The following ACTL6A variants were observed in gnomAD, a reference collection of about 807,000 sequenced individuals.
ACTL6A encodes actin like 6A, also known as actin-like protein 6A.
In ACTL6A, 5 loss-of-function variants were observed where a neutral mutation model predicts 59.2. The ratio of observed to expected loss-of-function variants is 0.08; its 90% CI spans 0.04 to 0.18. The LOEUF (loss-of-function observed/expected upper bound fraction) is 0.18. ACTL6A is among the 10% of genes least tolerant of loss of function. The probability of loss-of-function intolerance (pLI) is 1.00; values close to 1 mark genes in which losing one functional copy is unlikely to be tolerated. For synonymous variants in ACTL6A, 154 were observed against 171.8 expected (o/e 0.90, Z 0.81); for missense variants, 285 against 526.9 (o/e 0.54, Z 4.49).
chr3:179,570,444 G>T lies in ACTL6A; in HGVS notation c.277+203G>T. 2.0e-6 allele frequency: 1 copy of T among 499,314 alleles called. No individual in the cohort carries two copies. Among genetic ancestry groups the T allele is most frequent in the Non-Finnish European group, 3.5e-6 (1 of 285,948 alleles). The allele number at this position is 499,314 out of a possible 1,614,324, so 30.9% of individuals were successfully genotyped here. On this transcript the variant is annotated intron_variant, in intron 3 of 13. Coordinates refer to ENST00000429709, the MANE Select transcript of ACTL6A (RefSeq NM_004301.5). This position sits in a 1 kb window ranked among gnomAD's most constrained non-coding sequence, Gnocchi z 4.3. ...TCATTAAAAGCTTACAGTTAGTTGG[G>T]GGAAATAGATGTATATATACAAATA... is the stretch of plus-strand genomic sequence containing the variant.
At chr3:179,563,862 A>G (rs1717749146) in intron 1 of ACTL6A, among the ~76,000 whole-genome samples, 1 of 152,130 alleles carries the variant, frequency 6.6e-6, no homozygotes, top group Admixed American at 6.5e-5. Flanking sequence ...TGTGGTAGGA[A>G]GATTACCAGG....
At chr3:179,574,322 A>T in intron 4 of ACTL6A, 48 bp from the exon 5 acceptor site, 1 of 1,217,314 alleles carries the variant, frequency 8.2e-7, no homozygotes, top group East Asian at 2.3e-5. Context: ...AGATAAATCA[A>T]CTTTTTAATT....
intron 10 of ACTL6A, 56 bp from the exon 11 acceptor site, chr3:179,581,084 A>G: frequency 5.0e-6 from 8 of 1,601,808 alleles, no homozygotes; most frequent in Admixed American, 1.7e-5. Flanking sequence ...AATGTTTTGG[A>G]TATGCTTTAC....
Position 179,576,839 on chromosome 3 carries a change from G to C in ACTL6A, c.694G>C (p.Gly232Arg). 6.2e-7 allele frequency: 1 copy of C among 1,613,978 alleles called. No individual in the cohort carries two copies. The highest frequency in any genetic ancestry group is 8.5e-7 in the Non-Finnish European group (1 of 1,179,948). ...MIASKEAVRE[G>R]SPANWKRKEK... ...GTACTCTCAGGAAGCTGTTCGTGAA[G>C]GATCTCCAGCAAACTGGAAAAGAAA... Residue 232 changes from glycine (G) to arginine (R), a missense_variant, in exon 8 of 14, where the codon GGA (glycine) becomes CGA (arginine). Physicochemically the swap from Gly to Arg is moderately radical, Grantham distance 125. Transcript: ENST00000429709.
At chr3:179,577,188 A>G (rs551080045) in intron 8 of ACTL6A, among the ~76,000 whole-genome samples, 3 of 152,240 alleles carry the variant, frequency 2.0e-5, no homozygotes, top group African/African-American at 4.8e-5. Flanking sequence ...ACAAATTACT[A>G]CATACTCACT....
intron 12 of ACTL6A, 72 bp from the exon 13 acceptor site, chr3:179,586,466 TGAAAAAAA>T: frequency 1.5e-6 from 1 of 678,718 alleles, no homozygotes; most frequent in South Asian, 2.6e-5. Context: ...TGTCTCTATT[TGAAAAAAA>T]AAAAAAAAAA....
chr3:179,577,546 AAAC>A, intron 8 of ACTL6A, among the ~76,000 whole-genome samples: 1 of 152,108 alleles, frequency 6.6e-6, no homozygotes, highest in Non-Finnish European at 1.5e-5. Flanking sequence ...TTAAATGGGT[AAAC>A]TCATGTCACG....
intron 8 of ACTL6A, among the ~76,000 whole-genome samples, chr3:179,578,729 G>A (rs1718244159): frequency 6.6e-6 from 1 of 152,156 alleles, no homozygotes; most frequent in South Asian, 2.1e-4. Flanking sequence ...GTGAATAAAC[G>A]TTCGCTTTTC....
intron 8 of ACTL6A, among the ~76,000 whole-genome samples, chr3:179,578,002 C>T (rs530557856): frequency 5.9e-5 from 9 of 152,166 alleles, no homozygotes; most frequent in South Asian, 2.1e-4. Context: ...GGGTATATAC[C>T]CAGTAATGAG....
intron 8 of ACTL6A, 67 bp from the exon 9 acceptor site, chr3:179,580,573 G>A: frequency 8.9e-7 from 1 of 1,119,534 alleles, no homozygotes; most frequent in Non-Finnish European, 1.3e-6. Flanking sequence ...TTTAAAATAT[G>A]TTATAAAAGT....
rs553523710 is a variant in ACTL6A, at chr3:179,566,681, G to T, written c.26-3143G>T. On this transcript the variant is annotated intron_variant, in intron 1 of 13. Transcript: ENST00000429709. ...GTCCAAGTCTGAATTTTCTCTTTTTGTTGTTGTTGTTGTTGTTGTTGTTTT... is the reference window on the plus strand; with the variant it reads ...GTCCAAGTCTGAATTTTCTCTTTTTTTTGTTGTTGTTGTTGTTGTTGTTTT... Among the ~76,000 whole-genome samples, 159 of 151,452 alleles carry T rather than the reference G, an allele frequency of 1.0e-3. 1 individual carries two copies. The highest frequency in any genetic ancestry group is 0.01 in the Middle Eastern group (3 of 294).
At chr3:179,583,789 T>G (rs1298289391) in intron 12 of ACTL6A, 1 of 171,052 alleles carries the variant, frequency 5.8e-6, no homozygotes, top group Non-Finnish European at 1.3e-5. Context: ...CGAGGTGCTG[T>G]TGGGAACACC....
chr3:179,586,870 T>C (rs1382840362), intron 13 of ACTL6A, among the ~76,000 whole-genome samples: 1 of 152,152 alleles, frequency 6.6e-6, no homozygotes, highest in Non-Finnish European at 1.5e-5. Context: ...GGTGGAAATA[T>C]GTTAATGTAT....
chr3:179,587,194 A>C (rs1443560424), intron 13 of ACTL6A, among the ~76,000 whole-genome samples: 1 of 151,874 alleles, frequency 6.6e-6, no homozygotes, highest in African/African-American at 2.4e-5. Flanking sequence ...ATATATAGTT[A>C]CTTATGTATA....
intron 13 of ACTL6A, 33 bp downstream of exon 13, chr3:179,586,665 T>A: frequency 5.4e-6 from 8 of 1,493,656 alleles, no homozygotes; most frequent in African/African-American, 1.4e-5. Flanking sequence ...AAAAATATTC[T>A]TACTGAATTA....
In ACTL6A at chr3:179,569,774, A is replaced by G. The variant is rs375209813; in HGVS notation, c.26-50A>G. 140 of 1,533,200 alleles carry G rather than the reference A, an allele frequency of 9.1e-5. 1 individual carries two copies. Among genetic ancestry groups the G allele is most frequent in the Non-Finnish European group, 1.2e-4 (128 of 1,106,730 alleles). 95.0% of individuals were successfully genotyped at this position (1,533,200 alleles called of 1,614,324 possible). A position where few individuals can be genotyped will look rare whatever the true frequency, so the allele number is the denominator to read the frequency against. ...GAGGCTGCAGTGAGCTGTGATTTTC[A>G]TATGATACTTTTGCAAGCTGTTAAT... On this transcript the variant is annotated intron_variant, in intron 1 of 13. Transcript: ENST00000429709.
In ACTL6A at chr3:179,563,098, C is replaced by T. The variant is rs1224777647; in HGVS notation, c.6C>T (p.Ser2=). M[S]GGVYGGDEVG... ...GAGTCGCGCCGGCAGCAGCCATGAG[C>T]GGCGGCGTGTACGGGGGAGGTGAGT... The change falls in exon 1 of 14, where the codon AGC becomes AGT. Residue 2 remains serine (S), a synonymous_variant. Transcript: ENST00000429709. 1.9e-6 allele frequency: 3 copies of T among 1,612,522 alleles called. No homozygotes were observed. The highest frequency in any genetic ancestry group is 1.7e-5 in the Admixed American group (1 of 59,972).
At chr3:179,574,747 C>G in intron 5 of ACTL6A, 1 of 252,032 alleles carries the variant, frequency 4.0e-6, no homozygotes, top group Non-Finnish European at 7.6e-6. Context: ...AATGTTTTAA[C>G]CAGTTGGCTT....
At chr3:179,583,481 C>T in intron 12 of ACTL6A, 33 bp downstream of exon 12, 8 of 1,523,978 alleles carry the variant, frequency 5.2e-6, no homozygotes, top group Non-Finnish European at 7.3e-6. Context: ...TGGTATTCTT[C>T]AGTCATATAT....
Sources: allele counts gnomAD v4.1 joint callset (sites outside exome capture counted in the v4.1 genomes callset), GRCh38; gene constraint gnomAD v4.1.1; non-coding constraint Gnocchi (gnomAD v3.1); transcripts MANE v1.5; gene names NCBI Gene and HGNC (gene_info 2026-07-23, HGNC 2026-07-21).